ZNF385D: variants seen among roughly 807,000 people sequenced by gnomAD.
ZNF385D encodes zinc finger protein 659.
A neutral mutation model predicts 35.8 loss-of-function variants in ZNF385D; 15 were observed. The ratio of observed to expected loss-of-function variants is 0.42; its 90% CI spans 0.28 to 0.64. The LOEUF (loss-of-function observed/expected upper bound fraction) is 0.64, where lower values mean the gene tolerates loss of function less well. Ranked by LOEUF, ZNF385D falls within the 30% of genes least tolerant of loss-of-function variation. The pLI is 0.23. For missense variants in ZNF385D, 474 were observed against 494.6 expected, an observed-to-expected ratio of 0.96 and a Z score of 0.39; for synonymous variants, 212 against 186.8, an observed-to-expected ratio of 1.13 and a Z score of -1.10.
At chr3:22,098,619 T>A (rs1444455610) in intron 3 of ZNF385D, among the ~76,000 whole-genome samples, 1 of 152,068 alleles carries the variant, frequency 6.6e-6, no homozygotes, top group Non-Finnish European at 1.5e-5. Context: ...GAAGTTCCCA[T>A]CTGGGAAGGA....
intron 4 of ZNF385D, among the ~76,000 whole-genome samples, chr3:21,485,094 A>G (rs1704935321): frequency 6.6e-6 from 1 of 152,134 alleles, no homozygotes; most frequent in African/African-American, 2.4e-5. Flanking sequence ...AATGCAGGAG[A>G]AATAAGGTGA....
At chr3:21,818,973 T>C (rs758717106) in intron 3 of ZNF385D, among the ~76,000 whole-genome samples, 11 of 151,972 alleles carry the variant, frequency 7.2e-5, no homozygotes, top group Non-Finnish European at 1.5e-4. Flanking sequence ...TATTCAAAAT[T>C]AAACAAAAGT....
At chr3:22,291,625 T>G (rs1176590521) in intron 2 of ZNF385D, among the ~76,000 whole-genome samples, 2 of 152,050 alleles carry the variant, frequency 1.3e-5, no homozygotes, top group African/African-American at 4.8e-5. Context: ...AGAAGTGTAA[T>G]AATTTTATTG....
chr3:22,265,169 T>C (rs1339804734), intron 2 of ZNF385D, among the ~76,000 whole-genome samples: 2 of 151,850 alleles, frequency 1.3e-5, no homozygotes, highest in Non-Finnish European at 2.9e-5. Context: ...TAATTGCAAA[T>C]TGTGGTAAAT....
intron 2 of ZNF385D, among the ~76,000 whole-genome samples, chr3:22,347,645 TA>T (rs1183305023): frequency 6.6e-6 from 1 of 152,188 alleles, no homozygotes; most frequent in Non-Finnish European, 1.5e-5. Flanking sequence ...AAGGTTAAGA[TA>T]AACTGTTGCT....
chr3:21,994,889 G>A (rs566266579), intron 3 of ZNF385D, among the ~76,000 whole-genome samples: 15 of 152,294 alleles, frequency 9.8e-5, no homozygotes, highest in African/African-American at 3.4e-4. Flanking sequence ...GCTATGTATG[G>A]GTACTTTAGA....
At chr3:22,106,083 C>T (rs1182937769) in intron 3 of ZNF385D, among the ~76,000 whole-genome samples, 1 of 152,090 alleles carries the variant, frequency 6.6e-6, no homozygotes, top group Non-Finnish European at 1.5e-5. Context: ...CTCTGAAACT[C>T]TGACTTCAGC....
chr3:21,844,751 A>G (rs929192022), intron 3 of ZNF385D, among the ~76,000 whole-genome samples: 2 of 152,002 alleles, frequency 1.3e-5, no homozygotes, highest in African/African-American at 2.4e-5. Context: ...AATTGTTCAC[A>G]TTCTACCTGA....
intron 3 of ZNF385D, among the ~76,000 whole-genome samples, chr3:22,017,652 T>C (rs971753388): frequency 2.6e-5 from 4 of 151,988 alleles, no homozygotes; most frequent in African/African-American, 9.7e-5. Context: ...TATTCATCAT[T>C]TTATAATGCT....
intron 4 of ZNF385D, among the ~76,000 whole-genome samples, chr3:21,447,383 A>C (rs987722165): frequency 1.3e-5 from 2 of 152,182 alleles, no homozygotes; most frequent in South Asian, 2.1e-4. Context: ...AAAATCTATG[A>C]ATGGTAGCAC....
chr3:21,897,563 T>G (rs940697799), intron 3 of ZNF385D, among the ~76,000 whole-genome samples: 1 of 152,172 alleles, frequency 6.6e-6, no homozygotes, highest in African/African-American at 2.4e-5. Context: ...TAACTCTCAT[T>G]TATTTTCTAG....
rs538413958 is a variant in ZNF385D at position 22,152,910 on chromosome 3, G to A, written c.325+15907C>T. ...ATTGGCCACACTTACAACCAGGGAC[G>A]TGGTGAAATCTTGCACTGGTTTTCA... On this transcript the variant is annotated intron_variant, in intron 3 of 5. Transcript: ENST00000494108. Among the ~76,000 whole-genome samples the A allele has an allele frequency of 2.1e-4, 32 of 152,236 alleles. 1 individual carries two copies. Among genetic ancestry groups the A allele is most frequent in the East Asian group, 9.7e-4 (5 of 5,164 alleles).
chr3:22,042,092 C>CAGAT (rs1698700594), intron 3 of ZNF385D, among the ~76,000 whole-genome samples: 2 of 152,166 alleles, frequency 1.3e-5, no homozygotes, highest in South Asian at 4.1e-4. Flanking sequence ...GAAGGTTTAT[C>CAGAT]AGATTGGGTC....
At chr3:22,257,103 G>A (rs1700356969) in intron 2 of ZNF385D, among the ~76,000 whole-genome samples, 1 of 151,694 alleles carries the variant, frequency 6.6e-6, no homozygotes, top group Admixed American at 6.6e-5. Context: ...GAAACAACAG[G>A]ACCTTGGGAG....
intron 3 of ZNF385D, among the ~76,000 whole-genome samples, chr3:21,917,476 G>A (rs930694402): frequency 5.3e-5 from 8 of 152,162 alleles, no homozygotes; most frequent in Non-Finnish European, 1.2e-4. Flanking sequence ...GAGAATGGTG[G>A]TGCTTCTGAT....
rs141065575 is a variant in ZNF385D at position 21,517,547 on chromosome 3, T to A, written c.277-6524A>T. 2.4e-3 allele frequency among the ~76,000 whole-genome samples: 359 copies of A among 152,278 alleles called. 2 individuals are homozygous for A. Among genetic ancestry groups the A allele is most frequent in the African/African-American group, 8.3e-3 (346 of 41,558 alleles). ...ATACATTGGCATAATTGTTGGTGTG[T>A]GAAAGCCTTGCAATAAACCTTGAAT... On this transcript the variant is annotated intron_variant, in intron 3 of 7. Transcript: ENST00000281523.
intron 3 of ZNF385D, among the ~76,000 whole-genome samples, chr3:21,907,092 C>G (rs1699720709): frequency 6.6e-6 from 1 of 152,136 alleles, no homozygotes; most frequent in African/African-American, 2.4e-5. Context: ...CATTTCCCAC[C>G]TGCTCATCGA....
chr3:21,902,841 TATA>T (rs899312631), intron 3 of ZNF385D, among the ~76,000 whole-genome samples: 30 of 152,110 alleles, frequency 2.0e-4, no homozygotes, highest in Admixed American at 3.3e-4. Context: ...AAACTTAAAG[TATA>T]ATAATAATTA....
intron 3 of ZNF385D, among the ~76,000 whole-genome samples, chr3:21,859,270 G>T (rs1462705097): frequency 1.3e-5 from 2 of 151,990 alleles, no homozygotes; most frequent in Non-Finnish European, 2.9e-5. Flanking sequence ...TACCCTGCCC[G>T]CAGATTCACT....
Sources: allele counts gnomAD v4.1 joint callset (sites outside exome capture counted in the v4.1 genomes callset), GRCh38; gene constraint gnomAD v4.1.1; transcripts MANE v1.5; gene names NCBI Gene and HGNC (gene_info 2026-07-23, HGNC 2026-07-21).